Variants in CUX2 observed in about 807,000 individuals in gnomAD.
CUX2 encodes the protein homeobox protein cut-like 2.
Under a neutral mutation model 144.8 loss-of-function variants are expected in CUX2, and 40 were observed. The observed-to-expected ratio is 0.28, with a 90% CI of 0.21 to 0.36. The LOEUF is 0.36. Ranked by LOEUF, CUX2 falls within the 10% of genes least tolerant of loss-of-function variation. CUX2 has a pLI of 1.00. For synonymous variants in CUX2, 827 were observed against 875.6 expected (o/e 0.94, Z 0.98); for missense variants, 1,615 against 1,994.0 (o/e 0.81, Z 3.62).
In CUX2 at chr12:111,132,194, T is replaced by C. The variant is rs559898440; in HGVS notation, c.64-82006T>C. Among the ~76,000 whole-genome samples, 33 of 152,364 alleles carry C rather than the reference T, an allele frequency of 2.2e-4. 1 individual carries two copies. In the South Asian group the frequency reaches 6.4e-3, roughly 30 times the overall value. ...AACACCCTGTGGAAGCTGCCAAAGCTTGGGGCTTCTGCCCTCTGAAGCCAT... is the reference window on the plus strand; with the variant it reads ...AACACCCTGTGGAAGCTGCCAAAGCCTGGGGCTTCTGCCCTCTGAAGCCAT... On this transcript the variant is annotated intron_variant, in intron 1 of 21. Transcript: ENST00000261726.
At chr12:111,298,768 A>G (rs1886142896) in intron 9 of CUX2, among the ~76,000 whole-genome samples, 179 bp downstream of exon 9, 1 of 152,102 alleles carries the variant, frequency 6.6e-6, no homozygotes, top group Non-Finnish European at 1.5e-5. Flanking sequence ...GCCCTCCCCA[A>G]GCTCCCAGGG....
At position 111,068,589 on chromosome 12, in the gene CUX2, G is replaced by C. The variant is rs1408862555; in HGVS notation, c.63+34349G>C. ...TCTGAGGAGATGAAAAGCGATGCTGGTTTGAGCAGCTGGTGTTTTCTCCTG... is the reference window on the plus strand; with the variant it reads ...TCTGAGGAGATGAAAAGCGATGCTGCTTTGAGCAGCTGGTGTTTTCTCCTG... On this transcript the variant is annotated intron_variant, in intron 1 of 21. Transcript: ENST00000261726. The surrounding 1 kb of genome is among the most constrained non-coding windows in gnomAD (Gnocchi z 4.9). 2.0e-5 allele frequency among the ~76,000 whole-genome samples: 3 copies of C among 152,232 alleles called. No homozygotes were observed. Among genetic ancestry groups the C allele is most frequent in the Non-Finnish European group, 4.4e-5 (3 of 68,044 alleles).
intron 4 of CUX2, among the ~76,000 whole-genome samples, chr12:111,275,622 G>C (rs1592908036): frequency 2.6e-5 from 4 of 152,184 alleles, no homozygotes; most frequent in African/African-American, 9.6e-5. Context: ...ATGCTGGAGT[G>C]GGGGCATGAT....
chr12:111,182,914 C>T (rs1489085706), intron 1 of CUX2, among the ~76,000 whole-genome samples: 2 of 152,164 alleles, frequency 1.3e-5, no homozygotes, highest in African/African-American at 4.8e-5. Flanking sequence ...GTTCAATAAT[C>T]GGAATAGCAC....
chr12:111,178,001 G>C lies in CUX2; in HGVS notation c.64-36199G>C, dbSNP rs1878959009. On this transcript the variant is annotated intron_variant, in intron 1 of 21. Coordinates refer to ENST00000261726, the MANE Select transcript of CUX2 (RefSeq NM_015267.4). The surrounding 1 kb of genome is among the most constrained non-coding windows in gnomAD (Gnocchi z 5.7). ...GCTGTCATTGTTTGTTCTTATTGTT[G>C]TTTGCCAATAAGAAATACACATCCA... 6.6e-6 allele frequency among the ~76,000 whole-genome samples: 1 copy of C among 152,218 alleles called. No homozygotes were observed. Among genetic ancestry groups the C allele is most frequent in the Non-Finnish European group, 1.5e-5 (1 of 68,038 alleles).
chr12:111,094,922 G>C (rs1872732929), intron 1 of CUX2, among the ~76,000 whole-genome samples: 1 of 152,184 alleles, frequency 6.6e-6, no homozygotes, highest in African/African-American at 2.4e-5. Flanking sequence ...AGGCTCTCTT[G>C]ATCTCTGGAC....
intron 3 of CUX2, among the ~76,000 whole-genome samples, chr12:111,248,553 C>T (rs1225029321): frequency 6.6e-6 from 1 of 151,430 alleles, no homozygotes; most frequent in Non-Finnish European, 1.5e-5. Flanking sequence ...GTCTGTCACC[C>T]GGCTATGCAA....
intron 21 of CUX2, among the ~76,000 whole-genome samples, chr12:111,343,778 T>A (rs1031885142): frequency 7.9e-5 from 12 of 152,180 alleles, no homozygotes; most frequent in African/African-American, 2.9e-4. Flanking sequence ...AATATGGTTT[T>A]GACCGGGCGC....
intron 1 of CUX2, among the ~76,000 whole-genome samples, chr12:111,111,487 T>C (rs143794218): frequency 1.6e-4 from 24 of 152,332 alleles, no homozygotes; most frequent in Admixed American, 4.6e-4. Flanking sequence ...CCACATTCAG[T>C]TGGAGTCCAG....
intron 1 of CUX2, among the ~76,000 whole-genome samples, chr12:111,129,333 G>C (rs1369203874): frequency 6.6e-6 from 1 of 152,260 alleles, no homozygotes; most frequent in African/African-American, 2.4e-5. Context: ...TGATGACGTA[G>C]AGCCAGAGAG....
chr12:111,245,916 G>A (rs1336508379), intron 3 of CUX2, among the ~76,000 whole-genome samples: 2 of 152,146 alleles, frequency 1.3e-5, no homozygotes, highest in African/African-American at 4.8e-5. Flanking sequence ...CGCAGGCACA[G>A]ATGAGACAAC....
At chr12:111,066,820 G>T (rs1229135833) in intron 1 of CUX2, among the ~76,000 whole-genome samples, 6 of 152,190 alleles carry the variant, frequency 3.9e-5, no homozygotes. Flanking sequence ...GTGTGATCTT[G>T]AGTGAGCCTC....
intron 3 of CUX2, among the ~76,000 whole-genome samples, chr12:111,239,750 G>C (rs930815529): frequency 4.0e-5 from 6 of 151,862 alleles, no homozygotes; most frequent in African/African-American, 1.5e-4. Flanking sequence ...TACAATGAGT[G>C]GGGTGGGGGA....
At chr12:111,042,288 G>A (rs1869786316) in intron 1 of CUX2, among the ~76,000 whole-genome samples, 1 of 152,164 alleles carries the variant, frequency 6.6e-6, no homozygotes, top group African/African-American at 2.4e-5. Context: ...AGACCACAGG[G>A]GTCACAGGGG....
chr12:111,088,401 A>T (rs997079193), intron 1 of CUX2, among the ~76,000 whole-genome samples: 1 of 152,084 alleles, frequency 6.6e-6, no homozygotes, highest in African/African-American at 2.4e-5. Context: ...GCCTCTCTGT[A>T]TTCTTTCTGC....
In CUX2 at chr12:111,263,866, G is replaced by A; in HGVS notation, c.301+27G>A. The A allele has an allele frequency of 6.3e-7, 1 of 1,590,844 alleles. No individual in the cohort carries two copies. Among genetic ancestry groups the A allele is most frequent in the Non-Finnish European group, 8.6e-7 (1 of 1,158,936 alleles). ...TAAGAAATGCTTGGGCTCCGTAATTGAATAGTTAACGACAATAAATAGCCA... is the reference window on the plus strand; with the variant it reads ...TAAGAAATGCTTGGGCTCCGTAATTAAATAGTTAACGACAATAAATAGCCA... On this transcript the variant is annotated intron_variant, in intron 4 of 21. Transcript: ENST00000261726. This position sits in a 1 kb window ranked among gnomAD's most constrained non-coding sequence, Gnocchi z 4.0.
rs530080353 is a variant in CUX2 at position 111,105,326 on chromosome 12, G to A, written c.63+71086G>A. Among the ~76,000 whole-genome samples the A allele has an allele frequency of 9.1e-4, 138 of 152,356 alleles. 1 individual carries two copies. Among genetic ancestry groups the A allele is most frequent in the African/African-American group, 3.2e-3 (134 of 41,586 alleles). On this transcript the variant is annotated intron_variant, in intron 1 of 21. Transcript: ENST00000261726. ...TTTTGGAATGATCAGCCATGGCCTCGGGGGCCCGATGCTGGTTGATTTGAT... is the reference window on the plus strand; with the variant it reads ...TTTTGGAATGATCAGCCATGGCCTCAGGGGCCCGATGCTGGTTGATTTGAT...
At chr12:111,090,136 C>T (rs2085275607) in intron 1 of CUX2, among the ~76,000 whole-genome samples, 1 of 152,152 alleles carries the variant, frequency 6.6e-6, no homozygotes, top group Non-Finnish European at 1.5e-5. Flanking sequence ...TGGGAATGGG[C>T]TTGGATAGGA....
At chr12:111,118,130 T>G (rs932787997) in intron 1 of CUX2, among the ~76,000 whole-genome samples, 4 of 152,188 alleles carry the variant, frequency 2.6e-5, no homozygotes, top group African/African-American at 9.7e-5. Context: ...TAGTGCTAGT[T>G]TATATCAGTT....
Sources: gnomAD v4.1 joint callset for allele counts (sites outside exome capture counted in the v4.1 genomes callset) on GRCh38, gnomAD v4.1.1 for gene constraint, Gnocchi (gnomAD v3.1) non-coding constraint, MANE v1.5 for transcripts, NCBI Gene and HGNC (gene_info 2026-07-23, HGNC 2026-07-21) for gene names.